ADAMTSL1: variants seen among roughly 807,000 people sequenced by gnomAD.
The protein encoded by ADAMTSL1 is ADAMTS like 1.
In ADAMTSL1, 126 loss-of-function variants were observed where a neutral mutation model predicts 201.8. That is an observed-to-expected ratio of 0.62 (90% CI 0.54 to 0.72). ADAMTSL1 has a LOEUF of 0.72. Among genes scored for constraint, ADAMTSL1 ranks in the 30% least tolerant of loss-of-function variants. The pLI, the probability that ADAMTSL1 is intolerant of heterozygous loss-of-function variation, is 0.00. For missense variants in ADAMTSL1, 2,679 were observed against 2,277.8 expected, an observed-to-expected ratio of 1.18 and a Z score of -3.59; for synonymous variants, 1,121 against 903.4, an observed-to-expected ratio of 1.24 and a Z score of -4.32.
chr9:18,360,599 C>T (rs1042318438), intron 2 of ADAMTSL1: 14 of 152,120 alleles, frequency 9.2e-5, no homozygotes, highest in African/African-American at 3.4e-4. Flanking sequence ...TGAGGGGAGG[C>T]TGTTACTGGT....
At chr9:18,253,647 A>T (rs1210705833) in intron 2 of ADAMTSL1, among the ~76,000 whole-genome samples, 1 of 152,166 alleles carries the variant, frequency 6.6e-6, no homozygotes, top group Non-Finnish European at 1.5e-5. Context: ...TCTTTCTAGA[A>T]GTTGTCAAGC....
intron 2 of ADAMTSL1, among the ~76,000 whole-genome samples, chr9:18,390,239 T>G (rs1055053753): frequency 6.6e-6 from 1 of 152,080 alleles, no homozygotes; most frequent in African/African-American, 2.4e-5. Flanking sequence ...AAAAATTGCT[T>G]GAGAAAAGCA....
At chr9:18,104,023 A>ATG (rs372437503) in intron 1 of ADAMTSL1, among the ~76,000 whole-genome samples, 11 of 152,030 alleles carry the variant, frequency 7.2e-5, no homozygotes, top group African/African-American at 2.2e-4. Flanking sequence ...TTACTTTATC[A>ATG]TGTGTGTGTG....
intron 23 of ADAMTSL1, among the ~76,000 whole-genome samples, chr9:18,846,680 A>G (rs1826139936): frequency 6.6e-6 from 1 of 152,196 alleles, no homozygotes; most frequent in Non-Finnish European, 1.5e-5. Flanking sequence ...GAGGCTAGAT[A>G]GAGTCCCCTG....
chr9:18,234,019 G>C (rs1830745927), intron 2 of ADAMTSL1, among the ~76,000 whole-genome samples: 2 of 152,228 alleles, frequency 1.3e-5, no homozygotes, highest in South Asian at 4.1e-4. Flanking sequence ...GAAGTGAAGT[G>C]AGAACGCCTG....
chr9:18,852,757 C>T (rs1375793932), intron 23 of ADAMTSL1, among the ~76,000 whole-genome samples: 1 of 152,164 alleles, frequency 6.6e-6, no homozygotes. Flanking sequence ...CCTTTCTCAT[C>T]AGTATAGTGG....
intron 1 of ADAMTSL1, among the ~76,000 whole-genome samples, chr9:18,150,563 G>A (rs1826863382): frequency 6.6e-6 from 1 of 152,050 alleles, no homozygotes; most frequent in Admixed American, 6.6e-5. Flanking sequence ...GCTGTGAAAG[G>A]AAGGAAAACC....
At chr9:18,796,729 T>C (rs564427483) in intron 20 of ADAMTSL1, 3 of 152,354 alleles carry the variant, frequency 2.0e-5, no homozygotes, top group Non-Finnish European at 2.9e-5. Flanking sequence ...TTAATGCCTA[T>C]TTTTTGTGAA....
At chr9:18,067,477 T>A (rs187304035) in intron 1 of ADAMTSL1, among the ~76,000 whole-genome samples, 1 of 151,916 alleles carries the variant, frequency 6.6e-6, no homozygotes, top group South Asian at 2.1e-4. Flanking sequence ...ACATACCACA[T>A]TGAAACCATA....
At chr9:18,147,049 G>A (rs1414544261) in intron 1 of ADAMTSL1, among the ~76,000 whole-genome samples, 1 of 151,954 alleles carries the variant, frequency 6.6e-6, no homozygotes. Flanking sequence ...AATATATTTA[G>A]GCACTCAAGA....
At chr9:18,489,327 T>A (rs1053556280) in intron 1 of ADAMTSL1, among the ~76,000 whole-genome samples, 16 of 152,198 alleles carry the variant, frequency 1.1e-4, no homozygotes, top group Non-Finnish European at 1.9e-4. Flanking sequence ...TTCCAGGAAC[T>A]CCTGTAGTCA....
chr9:18,501,529 A>C (rs1347057028), intron 1 of ADAMTSL1, among the ~76,000 whole-genome samples: 1 of 151,778 alleles, frequency 6.6e-6, no homozygotes, highest in Non-Finnish European at 1.5e-5. Context: ...AAAAAAGTAA[A>C]AGAGAAGAGA....
chr9:18,042,808 T>C (rs1204882007), intron 1 of ADAMTSL1, among the ~76,000 whole-genome samples: 1 of 152,136 alleles, frequency 6.6e-6, no homozygotes, highest in Non-Finnish European at 1.5e-5. Flanking sequence ...TGTAGCTCCA[T>C]TTAAATCATG....
chr9:18,519,487 T>C (rs192479196), intron 2 of ADAMTSL1, among the ~76,000 whole-genome samples: 1 of 152,368 alleles, frequency 6.6e-6, no homozygotes, highest in Non-Finnish European at 1.5e-5. Context: ...CCTCAATCTC[T>C]GCCTTTTCAA....
chr9:18,563,571 C>G (rs529154294), intron 3 of ADAMTSL1, among the ~76,000 whole-genome samples: 1 of 152,332 alleles, frequency 6.6e-6, no homozygotes, highest in South Asian at 2.1e-4. Context: ...TCTTTAGAGC[C>G]AGCAGGCAGG....
At chr9:18,125,323 C>T (rs140913162) in intron 1 of ADAMTSL1, among the ~76,000 whole-genome samples, 2,972 of 152,274 alleles carry the variant, frequency 0.02, 59 homozygotes, top group Admixed American at 0.061. Context: ...GAAAGACCCA[C>T]CCCCATAATT....
At chr9:18,352,412 C>T (rs1836013275) in intron 2 of ADAMTSL1, among the ~76,000 whole-genome samples, 1 of 152,198 alleles carries the variant, frequency 6.6e-6, no homozygotes, top group South Asian at 2.1e-4. Flanking sequence ...AGATCAGTAT[C>T]CTGAGAACAT....
intron 2 of ADAMTSL1, among the ~76,000 whole-genome samples, chr9:18,225,620 CTT>C (rs753594700): frequency 1.3e-5 from 2 of 152,186 alleles, no homozygotes; most frequent in Non-Finnish European, 1.5e-5. Flanking sequence ...AACTCTGACT[CTT>C]TTAGATAACC....
intron 10 of ADAMTSL1, among the ~76,000 whole-genome samples, chr9:18,679,170 C>A (rs1830300862): frequency 6.6e-6 from 1 of 152,122 alleles, no homozygotes; most frequent in Non-Finnish European, 1.5e-5. Flanking sequence ...ACACAAAAAA[C>A]CCGCCTACAG....
Sources: allele counts gnomAD v4.1 joint callset (sites outside exome capture counted in the v4.1 genomes callset), GRCh38; gene constraint gnomAD v4.1.1; transcripts MANE v1.5; gene names NCBI Gene and HGNC (gene_info 2026-07-23, HGNC 2026-07-21).